The following RUBCN variants were observed in gnomAD, a reference collection of about 807,000 sequenced individuals.
RUBCN encodes the protein rubicon autophagy regulator, also known as run domain Beclin-1-interacting and cysteine-rich domain-containing protein.
In RUBCN, 74 loss-of-function variants were observed where a neutral mutation model predicts 113.2. That is an observed-to-expected ratio of 0.65 (90% CI 0.54 to 0.79). The LOEUF is 0.79. Among genes scored for constraint, RUBCN ranks in the 30% least tolerant of loss-of-function variants. The probability of loss-of-function intolerance (pLI) is 0.00; values close to 1 mark genes in which losing one functional copy is unlikely to be tolerated. For missense variants in RUBCN, 1,109 were observed against 1,251.7 expected, an observed-to-expected ratio of 0.89 and a Z score of 1.72; for synonymous variants, 480 against 490.0, an observed-to-expected ratio of 0.98 and a Z score of 0.27.
At chr3:197,739,654 A>G (rs947030075), upstream of RUBCN, among the ~76,000 whole-genome samples, 36 of 151,800 alleles carry the variant, frequency 2.4e-4, no homozygotes, top group African/African-American at 4.6e-4. Context: ...AGCAGAGATC[A>G]CGCCACTGCA....
At chr3:197,693,922 T>C in intron 10 of RUBCN, 106 bp from the exon 11 acceptor site, 4 of 781,906 alleles carry the variant, frequency 5.1e-6, no homozygotes, top group Middle Eastern at 2.3e-4. Context: ...CAGAGAGAAA[T>C]GGAAACTTTC....
intron 11 of RUBCN, among the ~76,000 whole-genome samples, chr3:197,684,493 A>G (rs1160930584): frequency 6.6e-6 from 1 of 152,262 alleles, no homozygotes; most frequent in East Asian, 1.9e-4. Context: ...TTGGTGTAAA[A>G]CAGTGAATGA....
At chr3:197,705,816 C>G (rs1294574732) in intron 2 of RUBCN, among the ~76,000 whole-genome samples, 1 of 152,094 alleles carries the variant, frequency 6.6e-6, no homozygotes, top group Non-Finnish European at 1.5e-5. Context: ...CAACCTCCAC[C>G]TCCCATGCTG....
intron 11 of RUBCN, among the ~76,000 whole-genome samples, chr3:197,686,089 C>A (rs1014125574): frequency 1.3e-5 from 2 of 152,044 alleles, no homozygotes; most frequent in African/African-American, 4.8e-5. Flanking sequence ...CTTAGCTATC[C>A]CTGAATAAGG....
rs1245829779 is a variant in RUBCN, at chr3:197,675,553, G to A, written c.2647-38C>T. ...AACACAGATGGCAAAATGAGGAGCG[G>A]CACATCAGGAACTGGCACGGGAGGG... On this transcript the variant is annotated intron_variant, in intron 18 of 19. Coordinates refer to ENST00000296343, the MANE Select transcript of RUBCN (RefSeq NM_014687.4). This position sits in a 1 kb window ranked among gnomAD's most constrained non-coding sequence, Gnocchi z 4.4. The A allele has an allele frequency of 1.3e-6, 2 of 1,504,124 alleles. No homozygotes were observed. The highest frequency in any genetic ancestry group is 1.1e-5 in the South Asian group (1 of 88,770). 93.2% of individuals were successfully genotyped at this position (1,504,124 alleles called of 1,614,324 possible).
intron 5 of RUBCN, 143 bp downstream of exon 5, chr3:197,703,397 CAAAAAAAA>C (rs1165064210): frequency 4.0e-4 from 62 of 155,800 alleles, no homozygotes; most frequent in African/African-American, 1.1e-3. Context: ...GACTCTGTCT[CAAAAAAAA>C]AAAAAAAAAA....
intron 13 of RUBCN, 33 bp from the exon 14 acceptor site, chr3:197,682,648 G>T (rs201619054): frequency 3.1e-6 from 5 of 1,601,446 alleles, no homozygotes; most frequent in Admixed American, 1.7e-5. Context: ...GGGTAAGCTC[G>T]TGTCAGTGTG....
chr3:197,695,607 A>G (rs1308170963), intron 9 of RUBCN, among the ~76,000 whole-genome samples: 1 of 152,148 alleles, frequency 6.6e-6, no homozygotes, highest in Non-Finnish European at 1.5e-5. Context: ...GTCTCAAAAA[A>G]ACAAAAACAC....
rs138726378 is a variant in RUBCN, at chr3:197,671,161, C to T, written c.*3857G>A. Among the ~76,000 whole-genome samples, 209 of 152,274 alleles carry T rather than the reference C, an allele frequency of 1.4e-3. 7 individuals carry two copies. The highest frequency in any genetic ancestry group is 3.5e-4 in the Non-Finnish European group (24 of 68,014). ...TCCCGAGTAGCTGGGATTACAAGCACATGCCACCATGCCTGGCTAATTTTT... is the reference window on the plus strand; with the variant it reads ...TCCCGAGTAGCTGGGATTACAAGCATATGCCACCATGCCTGGCTAATTTTT... On this transcript the variant is annotated 3_prime_UTR_variant, in exon 20 of 20. Coordinates refer to ENST00000296343, the MANE Select transcript of RUBCN (RefSeq NM_014687.4).
At chr3:197,720,435 T>A (rs1238671511) in intron 1 of RUBCN, among the ~76,000 whole-genome samples, 1 of 151,908 alleles carries the variant, frequency 6.6e-6, no homozygotes, top group Non-Finnish European at 1.5e-5. Flanking sequence ...TAAGACAGAC[T>A]CTCACTCTGT....
In RUBCN at chr3:197,700,877, G is replaced by C. The variant is rs376125443; in HGVS notation, c.997C>G (p.Arg333Gly). The C allele has an allele frequency of 9.9e-6, 16 of 1,614,074 alleles. No homozygotes were observed. The highest frequency in any genetic ancestry group is 1.3e-5 in the Non-Finnish European group (15 of 1,180,034). The stretch of plus-strand genomic sequence containing the variant: ...CTCTGACAGCTGGCAGTCCGGCCTC[G>C]GGGGTCCAAGTTGCCAATGGCCAGG... ...EYLAIGNLDP[R>G]GRTASCQSHS... is the part of the protein sequence containing the mutation. Residue 333 changes from arginine (R) to glycine (G), a missense_variant, in exon 7 of 20, where the codon CGA becomes GGA. Physicochemically the swap from Arg to Gly is moderately radical, Grantham distance 125 (BLOSUM62 -2). Around this residue, in one of 3 missense-constraint regions of RUBCN, gnomAD observed 736 missense variants for 779.6 expected, o/e 0.94. Coordinates refer to ENST00000296343, the MANE Select transcript of RUBCN (RefSeq NM_014687.4).
intron 1 of RUBCN, among the ~76,000 whole-genome samples, chr3:197,734,639 T>C (rs1241623803): frequency 1.3e-5 from 2 of 152,176 alleles, no homozygotes; most frequent in Non-Finnish European, 2.9e-5. Context: ...TCCTGGCATG[T>C]GGTAAATAGC....
chr3:197,736,531 C>T (rs1728146445), intron 1 of RUBCN, 124 bp downstream of exon 1: 2 of 700,670 alleles, frequency 2.9e-6, no homozygotes, highest in South Asian at 2.9e-5. Context: ...AACAAGTCCT[C>T]CGCAGCCGTC....
At chr3:197,746,341 T>C (rs1728744413) in intron 1 of RUBCN, among the ~76,000 whole-genome samples, 1 of 152,208 alleles carries the variant, frequency 6.6e-6, no homozygotes, top group African/African-American at 2.4e-5. Flanking sequence ...GGAAGATTCC[T>C]TTAATATTCT....
intron 2 of RUBCN, among the ~76,000 whole-genome samples, chr3:197,710,430 A>AT (rs1457227860): frequency 2.0e-5 from 3 of 151,924 alleles, no homozygotes; most frequent in Non-Finnish European, 4.4e-5. Context: ...GTGAAACCCC[A>AT]TCTCTACTAA....
chr3:197,745,807 C>T (rs912527864), intron 1 of RUBCN, among the ~76,000 whole-genome samples: 4 of 151,982 alleles, frequency 2.6e-5, no homozygotes, highest in African/African-American at 4.8e-5. Flanking sequence ...GAGTCTGAGT[C>T]GGGTGGATCA....
rs778818023 is a variant in RUBCN, at chr3:197,684,141, A to T, written c.1847+16T>A. On this transcript the variant is annotated intron_variant, in intron 12 of 19. Coordinates refer to ENST00000296343, the MANE Select transcript of RUBCN (RefSeq NM_014687.4). ...AAGGTTTTCTTTTCTTTTTTTTGGT[A>T]AAAAAAAGTACTCACAAGGACTGGG... 19 of 1,557,100 alleles carry T rather than the reference A, an allele frequency of 1.2e-5. No individual in the cohort carries two copies. Among genetic ancestry groups the T allele is most frequent in the South Asian group, 6.7e-5 (6 of 89,740 alleles).
At chr3:197,728,818 G>C (rs1217535074) in intron 1 of RUBCN, among the ~76,000 whole-genome samples, 3 of 152,192 alleles carry the variant, frequency 2.0e-5, no homozygotes, top group Admixed American at 6.5e-5. Flanking sequence ...GCCTTCTAAA[G>C]GAGCGTCATT....
chr3:197,697,089 A>G, intron 7 of RUBCN, 40 bp from the exon 8 acceptor site: 2 of 978,878 alleles, frequency 2.0e-6, no homozygotes, highest in Non-Finnish European at 3.3e-6. Context: ...ACACATACGA[A>G]ATGAGCAACA....
Sources: gnomAD v4.1 joint callset for allele counts (sites outside exome capture counted in the v4.1 genomes callset) on GRCh38, gnomAD v4.1.1 for gene constraint, gnomAD v4.1.1 regional missense constraint, Gnocchi (gnomAD v3.1) non-coding constraint, MANE v1.5 for transcripts, NCBI Gene and HGNC (gene_info 2026-07-23, HGNC 2026-07-21) for gene names.